The following FYN variants were observed in gnomAD, a reference collection of about 807,000 sequenced individuals.
FYN encodes the protein tyrosine-protein kinase Fyn.
In FYN, 10 loss-of-function variants were observed where a neutral mutation model predicts 70.2. That is an observed-to-expected ratio of 0.14 (90% CI 0.09 to 0.24). The LOEUF (loss-of-function observed/expected upper bound fraction) is 0.24, where lower values mean the gene tolerates loss of function less well. Among genes scored for constraint, FYN ranks in the 10% least tolerant of loss-of-function variants. FYN has a pLI of 1.00. For missense variants in FYN, 319 were observed against 673.1 expected (o/e 0.47, Z 5.82); for synonymous variants, 236 against 248.6 (o/e 0.95, Z 0.48).
At chr6:111,776,490 C>A (rs571172111) in intron 3 of FYN, among the ~76,000 whole-genome samples, 26 of 152,304 alleles carry the variant, frequency 1.7e-4, no homozygotes, top group African/African-American at 6.0e-4. Context: ...GAAATGAGAT[C>A]TTTTATCTTC....
intron 2 of FYN, among the ~76,000 whole-genome samples, chr6:111,836,683 G>T (rs147456431): frequency 6.6e-6 from 1 of 152,118 alleles, no homozygotes; most frequent in African/African-American, 2.4e-5. Flanking sequence ...TGGGAGGATC[G>T]CCCAGGAGGT....
intron 2 of FYN, among the ~76,000 whole-genome samples, chr6:111,815,192 C>T (rs562511177): frequency 3.3e-5 from 5 of 152,168 alleles, no homozygotes; most frequent in East Asian, 1.9e-4. Context: ...AGTTCATATT[C>T]GGTCAGCCCA....
At chr6:111,755,511 A>C (rs1050258137) in intron 3 of FYN, among the ~76,000 whole-genome samples, 1 of 152,202 alleles carries the variant, frequency 6.6e-6, no homozygotes, top group Non-Finnish European at 1.5e-5. Flanking sequence ...CAGAATGAAG[A>C]GATTTAATCT....
At chr6:111,712,733 T>C (rs936023746) in intron 5 of FYN, among the ~76,000 whole-genome samples, 24 of 152,344 alleles carry the variant, frequency 1.6e-4, no homozygotes, top group African/African-American at 5.8e-4. Context: ...AGCTGTTTAT[T>C]ATTTTTTAAA....
At chr6:111,837,196 T>A (rs891305150) in intron 2 of FYN, among the ~76,000 whole-genome samples, 2 of 152,220 alleles carry the variant, frequency 1.3e-5, no homozygotes, top group Non-Finnish European at 2.9e-5. Context: ...CTGTTTAAAC[T>A]TTTTCTCATT....
In FYN at chr6:111,728,284, G is replaced by A. The variant is rs563055026; in HGVS notation, c.-11-8222C>T. Among the ~76,000 whole-genome samples the A allele has an allele frequency of 2.4e-4, 36 of 152,216 alleles. No individual in the cohort carries two copies. In the South Asian group the frequency reaches 5.6e-3, roughly 24 times the overall value. On this transcript the variant is annotated intron_variant, in intron 3 of 13. Coordinates refer to ENST00000354650, the MANE Select transcript of FYN (RefSeq NM_002037.5). ...TTTTTTCAGGCTCCACCCCCTGCCC[G>A]CAAGCCTTTTTGGACCATAGAAAAG...
chr6:111,815,722 T>C (rs1297287648), intron 2 of FYN, among the ~76,000 whole-genome samples: 1 of 151,628 alleles, frequency 6.6e-6, no homozygotes, highest in Non-Finnish European at 1.5e-5. Context: ...CTTTTTTTTT[T>C]TTTTTCTTTT....
intron 5 of FYN, among the ~76,000 whole-genome samples, chr6:111,712,490 GGGCCTTTC>G (rs1800428545): frequency 6.6e-6 from 1 of 152,002 alleles, no homozygotes; most frequent in African/African-American, 2.4e-5. Flanking sequence ...TAAAGTATCT[GGGCCTTTC>G]CCAGATCAAA....
chr6:111,842,128 T>C (rs751689362), intron 2 of FYN, among the ~76,000 whole-genome samples: 2 of 152,222 alleles, frequency 1.3e-5, no homozygotes, highest in Non-Finnish European at 2.9e-5. Context: ...TACTCAGTTA[T>C]ACACTGAGGC....
chr6:111,809,743 C>G (rs1772264484), intron 2 of FYN, among the ~76,000 whole-genome samples: 1 of 152,136 alleles, frequency 6.6e-6, no homozygotes, highest in Admixed American at 6.5e-5. Flanking sequence ...TAATGGTTAT[C>G]ATTTCTATCA....
intron 5 of FYN, among the ~76,000 whole-genome samples, chr6:111,713,871 G>T (rs1224879713): frequency 3.3e-5 from 5 of 152,192 alleles, no homozygotes; most frequent in Admixed American, 2.0e-4. Flanking sequence ...GCCTCCACAG[G>T]CTTCACCAAA....
intron 8 of FYN, among the ~76,000 whole-genome samples, chr6:111,700,565 C>T (rs1799787417): frequency 6.6e-6 from 1 of 152,166 alleles, no homozygotes; most frequent in Admixed American, 6.5e-5. Flanking sequence ...AGCCCAGGTA[C>T]GATACAGTCT....
intron 2 of FYN, among the ~76,000 whole-genome samples, chr6:111,802,437 T>TA (rs1461795073): frequency 6.7e-6 from 1 of 149,890 alleles, no homozygotes. Flanking sequence ...AGGTAATCCC[T>TA]TTTTTTTTTC....
intron 12 of FYN, among the ~76,000 whole-genome samples, chr6:111,687,266 C>G (rs1799048156): frequency 6.6e-6 from 1 of 152,176 alleles, no homozygotes; most frequent in South Asian, 2.1e-4. Flanking sequence ...TTCCTCCAGA[C>G]AATAATCTAT....
In FYN at chr6:111,721,458, C is replaced by T. The variant is rs535224599; in HGVS notation, c.-11-1396G>A. On this transcript the variant is annotated intron_variant, in intron 3 of 13. Transcript: ENST00000354650. ...CCCTCCTGTGACTTTGAGATGGAGT[C>T]TCACTCTGTTGCCCAGGCTGGAGTG... Among the ~76,000 whole-genome samples the T allele has an allele frequency of 4.6e-5, 7 of 151,996 alleles. No individual in the cohort carries two copies. In the East Asian group the frequency reaches 1.4e-3, roughly 29 times the overall value.
chr6:111,759,599 C>G (rs986583621), intron 3 of FYN, among the ~76,000 whole-genome samples: 62 of 152,268 alleles, frequency 4.1e-4, no homozygotes, highest in South Asian at 1.2e-3. Flanking sequence ...TTGGTTCCCC[C>G]CCTAGGGGTT....
In FYN at chr6:111,696,493, T is replaced by C. The variant is rs200781755; in HGVS notation, c.863-37A>G. 1.6e-5 allele frequency: 23 copies of C among 1,478,672 alleles called. No homozygotes were observed. In the East Asian group the frequency reaches 5.2e-4, roughly 33 times the overall value. The allele number at this position is 1,478,672 out of a possible 1,614,324, so 91.6% of individuals were successfully genotyped here. On this transcript the variant is annotated intron_variant, in intron 9 of 13. Coordinates refer to ENST00000354650, the MANE Select transcript of FYN (RefSeq NM_002037.5). Reference sequence around the variant, plus strand: ...CCAGAATATGAAGTCAAACCAAAGATCTTCTTTTGATGGAAAAAGGTTTTG... The same window carrying C: ...CCAGAATATGAAGTCAAACCAAAGACCTTCTTTTGATGGAAAAAGGTTTTG...
chr6:111,764,050 T>C (rs1011733480), intron 3 of FYN, among the ~76,000 whole-genome samples: 6 of 151,686 alleles, frequency 4.0e-5, no homozygotes, highest in African/African-American at 7.3e-5. Flanking sequence ...TATCCAGCTA[T>C]AGGTGAAGCA....
rs569757323 is a variant in FYN at position 111,700,497 on chromosome 6, C to T, written c.698-229G>A. Among the ~76,000 whole-genome samples, 5 of 152,140 alleles carry T rather than the reference C, an allele frequency of 3.3e-5. No homozygotes were observed. In the East Asian group the frequency reaches 5.8e-4, roughly 18 times the overall value. ...ACGGTGGAAGATCAGACGCCACACA[C>T]GGAAACATTTTCATTGGAGGTAGAA... On this transcript the variant is annotated intron_variant, in intron 8 of 13. Transcript: ENST00000354650.
Sources: gnomAD v4.1 joint callset for allele counts (sites outside exome capture counted in the v4.1 genomes callset) on GRCh38, gnomAD v4.1.1 for gene constraint, MANE v1.5 for transcripts, NCBI Gene and HGNC (gene_info 2026-07-23, HGNC 2026-07-21) for gene names.